MBTPS1: variants seen among roughly 807,000 people sequenced by gnomAD.
MBTPS1 encodes the protein membrane-bound transcription factor site-1 protease.
A neutral mutation model predicts 127.8 loss-of-function variants in MBTPS1; 94 were observed. The observed-to-expected ratio is 0.74, with a 90% CI of 0.62 to 0.87. The LOEUF is 0.87. Among genes scored for constraint, MBTPS1 ranks in the 40% least tolerant of loss-of-function variants. MBTPS1 has a pLI of 0.00. For missense variants in MBTPS1, 1,636 were observed against 1,353.2 expected (o/e 1.21, Z -3.28); for synonymous variants, 632 against 509.4 (o/e 1.24, Z -3.24).
intron 3 of MBTPS1, among the ~76,000 whole-genome samples, chr16:84,097,872 T>TTGTG (rs1286289782): frequency 9.8e-5 from 9 of 92,272 alleles, no homozygotes; most frequent in Non-Finnish European, 1.7e-4. Flanking sequence ...GTGTGTGTGT[T>TTGTG]TGTGTGTGTG....
intron 19 of MBTPS1, 149 bp from the exon 20 acceptor site, chr16:84,060,962 T>C: frequency 1.5e-6 from 1 of 655,116 alleles, no homozygotes; most frequent in Non-Finnish European, 2.5e-6. Flanking sequence ...GCCTCCCAAG[T>C]AGCTGAGACT....
intron 3 of MBTPS1, among the ~76,000 whole-genome samples, chr16:84,096,537 A>C (rs2086182262): frequency 6.6e-6 from 1 of 152,240 alleles, no homozygotes; most frequent in South Asian, 2.1e-4. Flanking sequence ...AAATGGCCTA[A>C]GGGTTTTCCC....
intron 3 of MBTPS1, among the ~76,000 whole-genome samples, chr16:84,096,016 T>A (rs370775423): frequency 6.6e-6 from 1 of 152,138 alleles, no homozygotes; most frequent in African/African-American, 2.4e-5. Flanking sequence ...CAAATAGTTC[T>A]CTACTTGAAA....
intron 1 of MBTPS1, among the ~76,000 whole-genome samples, chr16:84,104,767 G>A (rs760065204): frequency 6.6e-6 from 1 of 152,072 alleles, no homozygotes; most frequent in Non-Finnish European, 1.5e-5. Flanking sequence ...GGATTTGGCG[G>A]TTTTCAAATG....
chr16:84,093,561 A>G (rs2086139157), intron 5 of MBTPS1, 150 bp downstream of exon 5: 13 of 674,682 alleles, frequency 1.9e-5, no homozygotes, highest in Non-Finnish European at 3.2e-5. Flanking sequence ...CCGACATCCT[A>G]TGAGGTATTC....
chr16:84,085,171 CA>C, intron 9 of MBTPS1, 37 bp from the exon 10 acceptor site: 1 of 1,604,568 alleles, frequency 6.2e-7, no homozygotes, highest in Non-Finnish European at 8.5e-7. Context: ...ACATCTCGCA[CA>C]TTGGCATACA....
intron 15 of MBTPS1, 28 bp from the exon 16 acceptor site, chr16:84,067,851 A>G (rs972568394): frequency 1.0e-5 from 16 of 1,593,820 alleles, no homozygotes; most frequent in Non-Finnish European, 1.4e-5. Context: ...AAAGCTGGGA[A>G]CTGTCACTTC....
Position 84,101,866 on chromosome 16 carries a change from A to T in MBTPS1, c.-83T>A. On this transcript the variant is annotated 5_prime_UTR_variant, in exon 2 of 23. The change abolishes the stop of an existing upstream ORF in the 5' untranslated region. Transcript: ENST00000343411. ...TTGATTAAAAGTGAATTTTTGTTTC[A>T]GCTAAAAGCTGCAACATTACTAATC... 1 of 1,338,958 alleles carries T rather than the reference A, an allele frequency of 7.5e-7. No individual in the cohort carries two copies. The highest frequency in any genetic ancestry group is 1.0e-6 in the Non-Finnish European group (1 of 954,884). The allele number at this position is 1,338,958 out of a possible 1,614,324, so 82.9% of individuals were successfully genotyped here.
At chr16:84,069,798 C>A in intron 14 of MBTPS1, 68 bp downstream of exon 14, 1 of 1,388,086 alleles carries the variant, frequency 7.2e-7, no homozygotes, top group Non-Finnish European at 1.0e-6. Context: ...CCAAGAGTTG[C>A]GGGAACAGTG....
chr16:84,076,828 C>A (rs1457093847), intron 11 of MBTPS1, among the ~76,000 whole-genome samples: 2 of 152,188 alleles, frequency 1.3e-5, no homozygotes, highest in African/African-American at 2.4e-5. Flanking sequence ...CTTCTAAGTT[C>A]ATTTAAAATT....
chr16:84,067,845 C>T (rs752258973), intron 15 of MBTPS1, 22 bp from the exon 16 acceptor site: 3 of 1,595,142 alleles, frequency 1.9e-6, no homozygotes, highest in Non-Finnish European at 2.6e-6. Context: ...AGAACCAAAG[C>T]TGGGAACTGT....
intron 1 of MBTPS1, among the ~76,000 whole-genome samples, chr16:84,109,236 C>G (rs899815955): frequency 3.3e-5 from 5 of 152,142 alleles, no homozygotes; most frequent in African/African-American, 4.8e-5. Context: ...GGGGAAGTGT[C>G]CAAGGAACAT....
intron 2 of MBTPS1, among the ~76,000 whole-genome samples, chr16:84,099,524 G>C (rs565479426): frequency 6.6e-6 from 1 of 152,118 alleles, no homozygotes; most frequent in African/African-American, 2.4e-5. Context: ...GGTGGCTCAC[G>C]CCTGTAATCC....
intron 10 of MBTPS1, among the ~76,000 whole-genome samples, chr16:84,084,051 C>T (rs1230541653): frequency 2.0e-5 from 3 of 152,174 alleles, no homozygotes; most frequent in African/African-American, 4.8e-5. Context: ...CCTCCTCCTC[C>T]CGGGTTCAAG....
chr16:84,100,400 C>T (rs1324053190), intron 2 of MBTPS1, among the ~76,000 whole-genome samples: 7 of 152,084 alleles, frequency 4.6e-5, no homozygotes, highest in Admixed American at 2.0e-4. Flanking sequence ...CAAAATTAGC[C>T]GGGCATGGTG....
At chr16:84,107,654 G>T (rs1021831215) in intron 1 of MBTPS1, among the ~76,000 whole-genome samples, 1 of 151,840 alleles carries the variant, frequency 6.6e-6, no homozygotes, top group Non-Finnish European at 1.5e-5. Context: ...TGATGGCAGA[G>T]GGACTGGGGT....
In MBTPS1 at chr16:84,056,111, T is replaced by C. The variant is rs753606358; in HGVS notation, c.2856A>G (p.Leu952=). 1 of 1,613,902 alleles carries C rather than the reference T, an allele frequency of 6.2e-7. No individual in the cohort carries two copies. The change falls in exon 22 of 23, where the codon CTA becomes CTG. Residue 952 remains leucine (L), a synonymous_variant. Transcript: ENST00000343411. ...APSNLWKHQK[L]LSIDLDKVVL... is the part of the protein sequence containing the mutation. Reference sequence around the variant, plus strand: ...CCACCTTGTCCAGGTCAATGGAGAGTAGCTTCTGATGTTTCCAAAGGTTAC... The same window carrying C: ...CCACCTTGTCCAGGTCAATGGAGAGCAGCTTCTGATGTTTCCAAAGGTTAC...
At chr16:84,071,684 C>T (rs1285311570) in intron 12 of MBTPS1, 1 of 151,898 alleles carries the variant, frequency 6.6e-6, no homozygotes, top group Non-Finnish European at 1.5e-5. Context: ...ATGATGTTTC[C>T]ATCTGCAAAA....
At chr16:84,079,872 T>C (rs1473853936) in intron 11 of MBTPS1, among the ~76,000 whole-genome samples, 1 of 152,226 alleles carries the variant, frequency 6.6e-6, no homozygotes, top group Non-Finnish European at 1.5e-5. Flanking sequence ...TGTCCACACG[T>C]TGCCTAGCTC....
Sources: gnomAD v4.1 joint callset for allele counts (sites outside exome capture counted in the v4.1 genomes callset) on GRCh38, gnomAD v4.1.1 for gene constraint, MANE v1.5 for transcripts, NCBI Gene and HGNC (gene_info 2026-07-23, HGNC 2026-07-21) for gene names.